The following ZNF138 variants were observed in gnomAD, a reference collection of about 807,000 sequenced individuals.
ZNF138 encodes zinc finger protein 138.
Under a neutral mutation model 33.0 loss-of-function variants are expected in ZNF138, and 33 were observed. The observed-to-expected ratio is 1.00, with a 90% CI of 0.76 to 1.34. The LOEUF (loss-of-function observed/expected upper bound fraction) is 1.34. Ranked by LOEUF, ZNF138 falls within the 40% of genes most tolerant of loss-of-function variation. The probability of loss-of-function intolerance (pLI) is 0.00; values close to 1 mark genes in which losing one functional copy is unlikely to be tolerated. For missense variants in ZNF138, 360 were observed against 370.8 expected (o/e 0.97, Z 0.24); for synonymous variants, 139 against 120.4 (o/e 1.15, Z -1.01).
At chr7:64,800,687 C>T (rs1204359771) in intron 1 of ZNF138, among the ~76,000 whole-genome samples, 1 of 152,146 alleles carries the variant, frequency 6.6e-6, no homozygotes, top group African/African-American at 2.4e-5. Context: ...CTGAATGATG[C>T]TGTTCTTACC....
intron 1 of ZNF138, among the ~76,000 whole-genome samples, chr7:64,813,556 C>T (rs879272830): frequency 7.2e-5 from 11 of 152,048 alleles, no homozygotes; most frequent in Admixed American, 6.6e-4. Flanking sequence ...GCCTCAGCCT[C>T]CCCAGTAGCT....
At chr7:64,850,333 C>T in the ZNF138 span, among the ~76,000 whole-genome samples, 1,099 of 152,320 alleles carry the variant, frequency 7.2e-3, 15 homozygotes, top group African/African-American at 0.023. Context: ...AGTTTGCTTC[C>T]GTCAGAGGGT....
the ZNF138 span, among the ~76,000 whole-genome samples, chr7:64,841,987 C>A: frequency 6.6e-6 from 1 of 152,110 alleles, no homozygotes; most frequent in Admixed American, 6.5e-5. Context: ...CTAGAAAATG[C>A]ATCTTAGAAA....
downstream of ZNF138, chr7:64,835,278 C>T (rs1424740162): frequency 1.3e-5 from 2 of 152,184 alleles, no homozygotes; most frequent in African/African-American, 4.8e-5. Flanking sequence ...GCGACGAAAT[C>T]ATCTGGCTAC....
intron 1 of ZNF138, among the ~76,000 whole-genome samples, chr7:64,813,435 G>GTTTTTT (rs1562902433): frequency 7.7e-6 from 1 of 130,284 alleles, no homozygotes; most frequent in African/African-American, 2.6e-5. Context: ...GCATAAAAAT[G>GTTTTTT]ATTTTTTTTT....
At chr7:64,850,697 C>G in the ZNF138 span, among the ~76,000 whole-genome samples, 1 of 152,156 alleles carries the variant, frequency 6.6e-6, no homozygotes, top group African/African-American at 2.4e-5. Flanking sequence ...CTGTGCTTGA[C>G]TCTTCAGCTC....
chr7:64,815,666 G>T lies in ZNF138; in HGVS notation c.208+13G>T. Reference sequence around the variant, plus strand: ...GCCAAACATTCAGGTAGGTGAGAGTGAATACACAGATGGCACAGATGAGAG... The same window carrying T: ...GCCAAACATTCAGGTAGGTGAGAGTTAATACACAGATGGCACAGATGAGAG... On this transcript the variant is annotated intron_variant, in intron 3 of 3. Transcript: ENST00000307355. 6.2e-6 allele frequency: 10 copies of T among 1,607,620 alleles called. No homozygotes were observed. Among genetic ancestry groups the T allele is most frequent in the Non-Finnish European group, 7.6e-6 (9 of 1,176,744 alleles).
intron 1 of ZNF138, among the ~76,000 whole-genome samples, chr7:64,813,440 T>C (rs1583831112): frequency 6.6e-6 from 1 of 151,736 alleles, no homozygotes; most frequent in Admixed American, 6.6e-5. Flanking sequence ...AAAATGATTT[T>C]TTTTTTTTTT....
intron 3 of ZNF138, among the ~76,000 whole-genome samples, chr7:64,821,042 T>TTTG (rs1210114836): frequency 1.7e-5 from 1 of 59,244 alleles, no homozygotes; most frequent in Non-Finnish European, 3.2e-5. Flanking sequence ...ATTGTTTTTT[T>TTTG]TTGTTTTGTT....
At chr7:64,837,745 T>C (rs957560084), downstream of ZNF138, among the ~76,000 whole-genome samples, 4 of 152,192 alleles carry the variant, frequency 2.6e-5, no homozygotes, top group African/African-American at 9.6e-5. Flanking sequence ...ATTTTGGAGA[T>C]AAAAGCAGGC....
Position 64,833,330 on chromosome 7 carries a change from GA to G in ZNF138, c.*1133del. 1 of 157,838 alleles carries G rather than the reference GA, an allele frequency of 6.3e-6. No homozygotes were observed. The highest frequency in any genetic ancestry group is 1.4e-5 in the Non-Finnish European group (1 of 71,234). The allele number at this position is 157,838 out of a possible 1,614,324, so 9.8% of individuals were successfully genotyped here. A position where few individuals can be genotyped will look rare whatever the true frequency, so the allele number is the denominator to read the frequency against. On this transcript the variant is annotated 3_prime_UTR_variant, in exon 4 of 4. Transcript: ENST00000307355. ...TTAATACTGAAAATGTTACAAACCAGAAAAATGTGAAAATGATTTTAACAAA... is the reference window on the plus strand; with the variant it reads ...TTAATACTGAAAATGTTACAAACCAGAAAATGTGAAAATGATTTTAACAAA...
At chr7:64,810,168 A>G (rs927143291) in intron 1 of ZNF138, among the ~76,000 whole-genome samples, 3 of 133,030 alleles carry the variant, frequency 2.3e-5, no homozygotes, top group Admixed American at 7.9e-5. Flanking sequence ...CCTGGGCACC[A>G]TTGAGCACTG....
At chr7:64,812,915 G>C (rs1289232269) in intron 1 of ZNF138, among the ~76,000 whole-genome samples, 3 of 148,336 alleles carry the variant, frequency 2.0e-5, no homozygotes, top group African/African-American at 7.5e-5. Context: ...CTTCCTCCTG[G>C]AATGCCATGC....
chr7:64,804,568 A>G (rs1787423286), intron 1 of ZNF138, among the ~76,000 whole-genome samples: 1 of 151,754 alleles, frequency 6.6e-6, no homozygotes, highest in Admixed American at 6.6e-5. Flanking sequence ...GGATCATTGC[A>G]GTCAGGAGTT....
intron 1 of ZNF138, chr7:64,814,259 C>A: frequency 2.2e-6 from 1 of 457,182 alleles, no homozygotes; most frequent in Non-Finnish European, 3.1e-6. Context: ...TGAGAGGTAC[C>A]TTTTAACTCA....
chr7:64,830,431 G>C (rs143669969), intron 3 of ZNF138, among the ~76,000 whole-genome samples: 98 of 152,046 alleles, frequency 6.4e-4, no homozygotes, highest in African/African-American at 2.3e-3. Context: ...CACTAGTGGA[G>C]TATTATTCAA....
At chr7:64,839,467 T>C in the ZNF138 span, among the ~76,000 whole-genome samples, 1 of 152,112 alleles carries the variant, frequency 6.6e-6, no homozygotes, top group African/African-American at 2.4e-5. Context: ...CTCTGAGTCG[T>C]CAATGCCGAT....
Position 64,831,885 on chromosome 7 carries a change from A to G in ZNF138, c.643A>G (p.Lys215Glu), listed in dbSNP as rs1437924596. Residue 215 changes from lysine to glutamate, a missense_variant, in exon 4 of 4, where the codon AAA becomes GAA. Transcript: ENST00000307355. ...GTCCACAAACCTTTCTAAACCTAAG[A>G]AAATTCATACTGGAGAAAAACCCTA... The part of the protein sequence containing the change: ...NWSTNLSKPK[K>E]IHTGEKPYKC... 3.7e-6 allele frequency: 6 copies of G among 1,613,796 alleles called. No individual in the cohort carries two copies. In the Admixed American group the frequency reaches 1.0e-4, roughly 27 times the overall value.
chr7:64,800,457 C>T (rs1787051372), intron 1 of ZNF138, among the ~76,000 whole-genome samples: 6 of 152,042 alleles, frequency 3.9e-5, no homozygotes, highest in Admixed American at 3.9e-4. Flanking sequence ...CAGTTTTTAT[C>T]TTTATTTTTG....
Sources: gnomAD v4.1 joint callset for allele counts (sites outside exome capture counted in the v4.1 genomes callset) on GRCh38, gnomAD v4.1.1 for gene constraint, MANE v1.5 for transcripts, NCBI Gene and HGNC (gene_info 2026-07-23, HGNC 2026-07-21) for gene names.